The following SLC19A3 variants were observed in gnomAD, a reference collection of about 807,000 sequenced individuals.
SLC19A3 encodes the protein thiamine transporter 2.
SLC19A3 carries 31 observed loss-of-function variants against 40.2 expected under a neutral mutation model. The ratio of observed to expected loss-of-function variants is 0.77; its 90% CI spans 0.58 to 1.04. SLC19A3 has a LOEUF of 1.04. Among genes scored for constraint, SLC19A3 ranks in the 50% least tolerant of loss-of-function variants. The pLI, the probability that SLC19A3 is intolerant of heterozygous loss-of-function variation, is 0.00. For missense variants in SLC19A3, 592 were observed against 596.7 expected (o/e 0.99, Z 0.08); for synonymous variants, 212 against 227.5 (o/e 0.93, Z 0.61).
Position 227,690,580 on chromosome 2 carries a change from G to A in SLC19A3, c.1173-2273C>T, listed in dbSNP as rs999983906. Among the ~76,000 whole-genome samples the A allele has an allele frequency of 7.9e-5, 12 of 151,648 alleles. No homozygotes were observed. In the East Asian group the frequency reaches 1.4e-3, roughly 17 times the overall value. ...AAATTAGCTGGGCATGATGGCAGGC[G>A]CCTGTAGTCCCAGCTACTCGGGAGG... On this transcript the variant is annotated intron_variant, in intron 4 of 5. Coordinates refer to ENST00000644224, the MANE Select transcript of SLC19A3 (RefSeq NM_025243.4).
rs1362851979 is a variant in SLC19A3 at position 227,703,542 on chromosome 2, A to C, written c.-2-1222T>G. ...ATTTTGAAACTAGGATTACAGCATC[A>C]GTGAGCAATGCTGACAATGTGAAAA... On this transcript the variant is annotated intron_variant, in intron 1 of 5. Coordinates refer to ENST00000644224, the MANE Select transcript of SLC19A3 (RefSeq NM_025243.4). The surrounding 1 kb of genome is among the most constrained non-coding windows in gnomAD (Gnocchi z 4.7). 6.6e-6 allele frequency among the ~76,000 whole-genome samples: 1 copy of C among 152,248 alleles called. No homozygotes were observed. Among genetic ancestry groups the C allele is most frequent in the Non-Finnish European group, 1.5e-5 (1 of 68,054 alleles).
At chr2:227,696,177 G>T in intron 3 of SLC19A3, 96 bp from the exon 4 acceptor site, 1 of 1,168,716 alleles carries the variant, frequency 8.6e-7, no homozygotes, top group Non-Finnish European at 1.3e-6. Context: ...GGGTAATTCT[G>T]AAAGATAAAT....
intron 2 of SLC19A3, chr2:227,700,855 T>G: frequency 4.4e-6 from 5 of 1,141,286 alleles, no homozygotes; most frequent in Non-Finnish European, 5.8e-6. Flanking sequence ...GGACTGGAGT[T>G]GCTGATCTGT....
At chr2:227,697,208 T>C (rs58153586) in intron 3 of SLC19A3, among the ~76,000 whole-genome samples, 6,379 of 152,190 alleles carry the variant, frequency 0.042, 450 homozygotes, top group African/African-American at 0.14. Flanking sequence ...GGAGCAATAA[T>C]TTCAGTGAAG....
At chr2:227,700,365 C>T (rs981175948) in intron 2 of SLC19A3, among the ~76,000 whole-genome samples, 3 of 147,268 alleles carry the variant, frequency 2.0e-5, no homozygotes, top group African/African-American at 8.0e-5. Flanking sequence ...GATGAAACCC[C>T]GTCTACAACT....
At chr2:227,709,348 G>T (rs1309211541) in intron 1 of SLC19A3, among the ~76,000 whole-genome samples, 9 of 152,116 alleles carry the variant, frequency 5.9e-5, no homozygotes. Context: ...AGCCAGGCAT[G>T]GTGGCGGGCA....
At chr2:227,715,702 A>T (rs1316874482) in intron 1 of SLC19A3, among the ~76,000 whole-genome samples, 1 of 152,182 alleles carries the variant, frequency 6.6e-6, no homozygotes, top group African/African-American at 2.4e-5. Context: ...ATGCCTAAGA[A>T]AACCATAAAA....
chr2:227,698,910 A>C lies in SLC19A3; in HGVS notation c.805T>G (p.Leu269Val). The C allele has an allele frequency of 6.2e-7, 1 of 1,614,060 alleles. No individual in the cohort carries two copies. Among genetic ancestry groups the C allele is most frequent in the Non-Finnish European group, 8.5e-7 (1 of 1,179,960 alleles). ...CGTTTTGAGGAGTAGCACTCCTTCA[A>C]ATCTTGGAACCACTGCACAAAAACG... ...VDVFVQWFQDLKECYSSKRLF... is the reference protein window; with the variant it reads ...VDVFVQWFQDVKECYSSKRLF... Residue 269 changes from leucine (L) to valine (V), a missense_variant, in exon 3 of 6, where the codon TTG (leucine) becomes GTG (valine). Coordinates refer to ENST00000644224, the MANE Select transcript of SLC19A3 (RefSeq NM_025243.4).
Position 227,684,376 on chromosome 2 carries a change from T to A in SLC19A3, c.*3021A>T, listed in dbSNP as rs549547738. ...CTCAGGCTGGAGTGCAGTGGCACAA[T>A]CTCAACTCACTGCAACCTCTGCCTC... On this transcript the variant is annotated 3_prime_UTR_variant, in exon 6 of 6. Transcript: ENST00000644224. 48 of 152,338 alleles carry A rather than the reference T, an allele frequency of 3.2e-4. No homozygotes were observed. Among genetic ancestry groups the A allele is most frequent in the African/African-American group, 1.2e-3 (48 of 41,562 alleles). 9.4% of individuals were successfully genotyped at this position (152,338 alleles called of 1,614,324 possible).
intron 1 of SLC19A3, 176 bp from the exon 2 acceptor site, chr2:227,702,496 C>T: frequency 1.6e-6 from 1 of 610,646 alleles, no homozygotes; most frequent in East Asian, 3.0e-5. Flanking sequence ...CGGGCTCAAG[C>T]CATTCTCCTG....
In SLC19A3 at chr2:227,695,950, C is replaced by T; in HGVS notation, c.1111G>A (p.Ala371Thr). The T allele has an allele frequency of 3.7e-6, 6 of 1,614,116 alleles. No individual in the cohort carries two copies. Among genetic ancestry groups the T allele is most frequent in the Non-Finnish European group, 5.1e-6 (6 of 1,180,018 alleles). ...FLMHYTANIW[A>T]CYAGYLIFKS... ...AATATCAAATAGCCAGCATAGCACGCCCAGATATTGGCTGTGTAATGCATG... is the reference window on the plus strand; with the variant it reads ...AATATCAAATAGCCAGCATAGCACGTCCAGATATTGGCTGTGTAATGCATG... The change falls in exon 4 of 6, where the codon GCG becomes ACG. Residue 371 changes from alanine to threonine, a missense_variant. Transcript: ENST00000644224.
rs770362150 is a variant in SLC19A3 at position 227,699,382 on chromosome 2, G to T, written c.333C>A (p.Phe111Leu). ...QGVKTMQVVE[F>L]FYGMVTAAEV... ...CGGCGGCGGTGACCATCCCATAGAA[G>T]AACTCTACAACCTGCATGGTCTTCA... Residue 111 changes from phenylalanine (F) to leucine (L), a missense_variant, in exon 3 of 6, where the codon TTC becomes TTA. Transcript: ENST00000644224. 1 of 1,614,140 alleles carries T rather than the reference G, an allele frequency of 6.2e-7. No individual in the cohort carries two copies. The highest frequency in any genetic ancestry group is 2.2e-5 in the East Asian group (1 of 44,874).
At chr2:227,715,387 T>G (rs534845398) in intron 1 of SLC19A3, among the ~76,000 whole-genome samples, 9 of 152,058 alleles carry the variant, frequency 5.9e-5, no homozygotes, top group Non-Finnish European at 1.0e-4. Context: ...ACAAGTGATA[T>G]TTTTAAAATT....
intron 1 of SLC19A3, among the ~76,000 whole-genome samples, chr2:227,704,017 T>C (rs72961088): frequency 0.21 from 31,932 of 152,210 alleles, 3,586 homozygotes; most frequent in South Asian, 0.33. Context: ...CCTACTAAAG[T>C]ACAAGCCCAG....
Position 227,699,537 on chromosome 2 carries a change from T to C in SLC19A3, c.178A>G (p.Thr60Ala), listed in dbSNP as rs1177722977. The C allele has an allele frequency of 6.2e-7, 1 of 1,614,152 alleles. No individual in the cohort carries two copies. Among genetic ancestry groups the C allele is most frequent in the South Asian group, 1.1e-5 (1 of 91,080 alleles). ...AGCAGCAGCACCAGGTAGGAGTATG[T>C]CCAAACGGGGAAGATCTCATTTGTT... ...EITNEIFPVW[T>A]YSYLVLLLPV... The change falls in exon 3 of 6, where the codon ACA (threonine) becomes GCA (alanine). Residue 60 changes from threonine (T) to alanine (A), a missense_variant. Physicochemically the swap from Thr to Ala is moderately conservative, Grantham distance 58 (BLOSUM62 0). Coordinates refer to ENST00000644224, the MANE Select transcript of SLC19A3 (RefSeq NM_025243.4).
chr2:227,717,915 A>G (rs750003812), intron 1 of SLC19A3, 28 bp downstream of exon 1: 5 of 985,054 alleles, frequency 5.1e-6, no homozygotes, highest in Non-Finnish European at 6.0e-6. Flanking sequence ...TGCTTCTTCA[A>G]TTAATTCGCC....
chr2:227,690,230 T>C (rs1191714301), intron 4 of SLC19A3, among the ~76,000 whole-genome samples: 2 of 152,066 alleles, frequency 1.3e-5, no homozygotes, highest in Admixed American at 1.3e-4. Flanking sequence ...ATTTTACCTA[T>C]AGAGACATAC....
At chr2:227,712,215 A>T (rs1356848056) in intron 1 of SLC19A3, among the ~76,000 whole-genome samples, 1 of 152,016 alleles carries the variant, frequency 6.6e-6, no homozygotes, top group Non-Finnish European at 1.5e-5. Flanking sequence ...ACCAGCCTGG[A>T]CAACACCTTT....
In SLC19A3 at chr2:227,686,406, A is replaced by T. The variant is rs1467978396; in HGVS notation, c.*991T>A. 5.7e-6 allele frequency: 1 copy of T among 174,040 alleles called. No homozygotes were observed. Among genetic ancestry groups the T allele is most frequent in the Non-Finnish European group, 1.2e-5 (1 of 80,348 alleles). 10.8% of individuals were successfully genotyped at this position (174,040 alleles called of 1,614,324 possible). ...CAATCATAGCTCACTGTAGCCTCTG[A>T]CTCCTGTGCTCAACCCATCCTCCCA... is the stretch of plus-strand genomic sequence containing the variant. On this transcript the variant is annotated 3_prime_UTR_variant, in exon 6 of 6. Transcript: ENST00000644224.
Sources: allele counts gnomAD v4.1 joint callset (sites outside exome capture counted in the v4.1 genomes callset), GRCh38; gene constraint gnomAD v4.1.1; non-coding constraint Gnocchi (gnomAD v3.1); transcripts MANE v1.5; gene names NCBI Gene and HGNC (gene_info 2026-07-23, HGNC 2026-07-21).